Variants in GRM1 observed in about 807,000 individuals in gnomAD.
The protein encoded by GRM1 is metabotropic glutamate receptor 1.
A neutral mutation model predicts 90.9 loss-of-function variants in GRM1; 33 were observed. The observed-to-expected ratio is 0.36, with a 90% CI of 0.28 to 0.49. The LOEUF (loss-of-function observed/expected upper bound fraction) is 0.49. GRM1 is among the 20% of genes least tolerant of loss of function. The pLI is 0.99. For synonymous variants in GRM1, 700 were observed against 613.2 expected (o/e 1.14, Z -2.09); for missense variants, 1,190 against 1,534.3 (o/e 0.78, Z 3.75).
At chr6:146,229,164 G>T (rs1780359399) in intron 2 of GRM1, among the ~76,000 whole-genome samples, 2 of 151,650 alleles carry the variant, frequency 1.3e-5, no homozygotes. Context: ...AATGTATAGA[G>T]TTAGGGATGG....
At chr6:146,139,799 T>C (rs982010396) in intron 1 of GRM1, among the ~76,000 whole-genome samples, 8 of 152,132 alleles carry the variant, frequency 5.3e-5, no homozygotes, top group African/African-American at 1.9e-4. Context: ...TTTAGTCGAC[T>C]TAACATTCAG....
At chr6:146,198,046 G>A (rs1391812521) in intron 2 of GRM1, among the ~76,000 whole-genome samples, 7 of 152,190 alleles carry the variant, frequency 4.6e-5, no homozygotes, top group Non-Finnish European at 8.8e-5. Flanking sequence ...CACTTGGGGA[G>A]GTGTTGCATA....
At chr6:146,320,248 T>A (rs1208874945) in intron 3 of GRM1, among the ~76,000 whole-genome samples, 2 of 152,190 alleles carry the variant, frequency 1.3e-5, no homozygotes, top group African/African-American at 4.8e-5. Flanking sequence ...TTGGTTCTGT[T>A]TCTGTGATGG....
chr6:146,159,215 G>C, intron 1 of GRM1, 133 bp from the exon 2 acceptor site: 1 of 1,007,592 alleles, frequency 9.9e-7, no homozygotes, highest in Non-Finnish European at 1.6e-6. Flanking sequence ...TCTTCCGTCA[G>C]TCTCAGCCAT....
intron 2 of GRM1, among the ~76,000 whole-genome samples, chr6:146,166,662 A>G (rs577397465): frequency 6.6e-6 from 1 of 152,150 alleles, no homozygotes; most frequent in African/African-American, 2.4e-5. Context: ...ATCAAATTGC[A>G]AAGTAGGAGC....
intron 4 of GRM1, among the ~76,000 whole-genome samples, chr6:146,355,389 T>C (rs1447440488): frequency 6.6e-6 from 1 of 152,194 alleles, no homozygotes; most frequent in Admixed American, 6.5e-5. Context: ...CTAATAACTC[T>C]TTATCAGTCA....
chr6:146,254,238 G>C (rs1781403656), intron 2 of GRM1, among the ~76,000 whole-genome samples: 1 of 151,950 alleles, frequency 6.6e-6, no homozygotes, highest in Non-Finnish European at 1.5e-5. Flanking sequence ...GTGTGTGCTA[G>C]CTGTTCCTGT....
chr6:146,102,407 C>T (rs1306576193), intron 1 of GRM1, among the ~76,000 whole-genome samples: 1 of 152,200 alleles, frequency 6.6e-6, no homozygotes, highest in Non-Finnish European at 1.5e-5. Context: ...CAAAACTGAG[C>T]TCATAAATCT....
At chr6:146,422,737 C>A (rs1270189834) in intron 7 of GRM1, among the ~76,000 whole-genome samples, 1 of 151,944 alleles carries the variant, frequency 6.6e-6, no homozygotes, top group African/African-American at 2.4e-5. Context: ...GAATGGGTGA[C>A]CTGATGTAAA....
chr6:146,284,880 A>G (rs1782700848), intron 2 of GRM1, among the ~76,000 whole-genome samples: 1 of 152,180 alleles, frequency 6.6e-6, no homozygotes, highest in Non-Finnish European at 1.5e-5. Context: ...AACAGAATAT[A>G]TTGGAAATTT....
intron 2 of GRM1, among the ~76,000 whole-genome samples, chr6:146,195,356 A>G (rs1332649473): frequency 6.6e-6 from 1 of 152,236 alleles, no homozygotes; most frequent in African/African-American, 2.4e-5. Context: ...AGAACTTCAC[A>G]GATAATAGGA....
At chr6:146,345,342 T>C (rs369906888) in intron 3 of GRM1, among the ~76,000 whole-genome samples, 1 of 152,230 alleles carries the variant, frequency 6.6e-6, no homozygotes, top group Non-Finnish European at 1.5e-5. Flanking sequence ...TTTTGTTGCA[T>C]TCATTTAGAG....
chr6:146,422,190 A>G (rs928476039), intron 7 of GRM1, among the ~76,000 whole-genome samples: 2 of 152,220 alleles, frequency 1.3e-5, no homozygotes, highest in African/African-American at 2.4e-5. Context: ...GCAACTTCAT[A>G]GACAGCTAAC....
chr6:146,170,336 G>T (rs1393915434), intron 2 of GRM1, among the ~76,000 whole-genome samples: 1 of 151,944 alleles, frequency 6.6e-6, no homozygotes, highest in Non-Finnish European at 1.5e-5. Flanking sequence ...AACCATTATT[G>T]CTTTAAATAT....
intron 2 of GRM1, among the ~76,000 whole-genome samples, chr6:146,233,332 C>G (rs1162456215): frequency 1.3e-5 from 2 of 152,028 alleles, no homozygotes; most frequent in East Asian, 3.9e-4. Context: ...ATTGTGGAGT[C>G]TCTGCCCAAC....
chr6:146,270,166 A>AGTGC (rs1782061673), intron 2 of GRM1, among the ~76,000 whole-genome samples: 1 of 152,214 alleles, frequency 6.6e-6, no homozygotes, highest in African/African-American at 2.4e-5. Context: ...TATTTCCAAG[A>AGTGC]ACTCCAAAGA....
At chr6:146,373,078 G>A (rs1417731058) in intron 5 of GRM1, among the ~76,000 whole-genome samples, 4 of 151,922 alleles carry the variant, frequency 2.6e-5, no homozygotes, top group Admixed American at 2.6e-4. Flanking sequence ...TAACGATATT[G>A]GTTTATTCTA....
In GRM1 at chr6:146,394,083, C is replaced by T. The variant is rs909431313; in HGVS notation, c.1730-4686C>T. Among the ~76,000 whole-genome samples, 5 of 152,148 alleles carry T rather than the reference C, an allele frequency of 3.3e-5. No individual in the cohort carries two copies. The East Asian group carries it at 7.7e-4, about 23-fold the overall frequency. On this transcript the variant is annotated intron_variant, in intron 6 of 7. Coordinates refer to ENST00000282753, the MANE Select transcript of GRM1 (RefSeq NM_001278064.2). ...CATATGCAGAAAACTGAAACTGAACCTCTTCCTTACACCTTATACAAAAAT... is the reference window on the plus strand; with the variant it reads ...CATATGCAGAAAACTGAAACTGAACTTCTTCCTTACACCTTATACAAAAAT...
At position 146,099,367 on chromosome 6, in the gene GRM1, C is replaced by T. The variant is rs1219911638; in HGVS notation, c.701-59981C>T. Reference sequence around the variant, plus strand: ...ACTCCAGTGTGGGAACAGAGCGAGACCCTGTCTAAAAAATAAAAGCAAATA... The same window carrying T: ...ACTCCAGTGTGGGAACAGAGCGAGATCCTGTCTAAAAAATAAAAGCAAATA... On this transcript the variant is annotated intron_variant, in intron 1 of 7. Transcript: ENST00000282753. Among the ~76,000 whole-genome samples, 5 of 152,098 alleles carry T rather than the reference C, an allele frequency of 3.3e-5. No homozygotes were observed. The East Asian group carries it at 7.7e-4, about 23-fold the overall frequency.
Sources: allele counts gnomAD v4.1 joint callset (sites outside exome capture counted in the v4.1 genomes callset), GRCh38; gene constraint gnomAD v4.1.1; transcripts MANE v1.5; gene names NCBI Gene and HGNC (gene_info 2026-07-23, HGNC 2026-07-21).